Variants in RNF228 observed in about 807,000 individuals in gnomAD.
The protein encoded by RNF228 is ring finger protein 228.
At chr2:222,315,554 C>A in the RNF228 span, among the ~76,000 whole-genome samples, 1 of 152,116 alleles carries the variant, frequency 6.6e-6, no homozygotes, top group Admixed American at 6.5e-5. Context: ...AAAGAATTTT[C>A]ATGAATTTAC....
At chr2:222,316,685 G>T in the RNF228 span, among the ~76,000 whole-genome samples, 10 of 152,314 alleles carry the variant, frequency 6.6e-5, no homozygotes, top group African/African-American at 2.4e-4. Context: ...GTTGTTACCA[G>T]TATGCATATA....
the RNF228 span, chr2:222,317,610 T>A: frequency 1.3e-5 from 2 of 152,216 alleles, no homozygotes; most frequent in African/African-American, 2.4e-5. Context: ...CAACATATAC[T>A]GGCAATTCAT....
At chr2:222,319,683 G>A in the RNF228 span, among the ~76,000 whole-genome samples, 1 of 146,052 alleles carries the variant, frequency 6.8e-6, no homozygotes, top group Non-Finnish European at 1.5e-5. The surrounding 1 kb of genome is among the most constrained non-coding windows in gnomAD (Gnocchi z 7.6). Context: ...GGGCAGCGGC[G>A]TGCGGTGGCG....
chr2:222,315,956 G>A, the RNF228 span, among the ~76,000 whole-genome samples: 2 of 152,128 alleles, frequency 1.3e-5, no homozygotes, highest in African/African-American at 4.8e-5. Flanking sequence ...CAGGTACAGA[G>A]ACCAGACCAG....
the RNF228 span, chr2:222,319,341 AAGG>A: frequency 8.4e-6 from 3 of 355,042 alleles, no homozygotes; most frequent in Non-Finnish European, 1.0e-5. The surrounding 1 kb of genome is among the most constrained non-coding windows in gnomAD (Gnocchi z 7.6). Flanking sequence ...CATGGAGAGG[AAGG>A]AGAAGACCAC....
chr2:222,317,993 A>G, the RNF228 span: 3 of 152,258 alleles, frequency 2.0e-5, no homozygotes, highest in African/African-American at 4.8e-5. Flanking sequence ...TTAATGCACA[A>G]AAATTTCCAG....
chr2:222,319,075 G>A, the RNF228 span: 1 of 173,604 alleles, frequency 5.8e-6, no homozygotes, highest in African/African-American at 2.4e-5. This position sits in a 1 kb window ranked among gnomAD's most constrained non-coding sequence, Gnocchi z 7.6. Context: ...CGTGCCCTCG[G>A]GCCGCCGCCG....
At chr2:222,315,484 G>T in the RNF228 span, among the ~76,000 whole-genome samples, 6 of 152,126 alleles carry the variant, frequency 3.9e-5, no homozygotes, top group African/African-American at 1.2e-4. Context: ...CTCTGGGGAG[G>T]TAATATTAGA....
At chr2:222,315,388 T>C in the RNF228 span, among the ~76,000 whole-genome samples, 1 of 152,208 alleles carries the variant, frequency 6.6e-6, no homozygotes, top group Non-Finnish European at 1.5e-5. Flanking sequence ...GCAAACAGTA[T>C]AACACATATT....
At chr2:222,316,889 G>A in the RNF228 span, among the ~76,000 whole-genome samples, 1 of 152,284 alleles carries the variant, frequency 6.6e-6, no homozygotes, top group Non-Finnish European at 1.5e-5. Flanking sequence ...TTAAAACTAA[G>A]TTCTGAAAAG....
the RNF228 span, among the ~76,000 whole-genome samples, chr2:222,315,314 C>T: frequency 2.0e-5 from 3 of 152,118 alleles, no homozygotes; most frequent in Non-Finnish European, 2.9e-5. Flanking sequence ...AGACAAAGTT[C>T]CTGTTTATGT....
chr2:222,319,295 G>A, the RNF228 span: 9 of 345,996 alleles, frequency 2.6e-5, no homozygotes, highest in Non-Finnish European at 4.7e-5. The surrounding 1 kb of genome is among the most constrained non-coding windows in gnomAD (Gnocchi z 7.6). Flanking sequence ...CGCCGTAGTG[G>A]TTGACGAAGA....
the RNF228 span, among the ~76,000 whole-genome samples, chr2:222,315,498 T>C: frequency 2.0e-5 from 3 of 152,182 alleles, no homozygotes; most frequent in Admixed American, 1.3e-4. Context: ...TATTAGACAC[T>C]TGGAGACCTA....
chr2:222,316,574 G>T, the RNF228 span, among the ~76,000 whole-genome samples: 1 of 152,280 alleles, frequency 6.6e-6, no homozygotes, highest in African/African-American at 2.4e-5. Context: ...GAAACCTGGT[G>T]CCCAAAGTAA....
the RNF228 span, among the ~76,000 whole-genome samples, chr2:222,320,145 G>T: frequency 6.6e-6 from 1 of 152,094 alleles, no homozygotes. Context: ...GGGCGGGGAG[G>T]AGGCGCTTCT....
the RNF228 span, among the ~76,000 whole-genome samples, chr2:222,315,152 T>C: frequency 2.6e-5 from 4 of 152,120 alleles, no homozygotes; most frequent in African/African-American, 9.6e-5. Flanking sequence ...TCCCAGGATC[T>C]CAGGAGTTAT....
the RNF228 span, among the ~76,000 whole-genome samples, chr2:222,314,895 A>G: frequency 6.6e-6 from 1 of 152,224 alleles, no homozygotes; most frequent in Non-Finnish European, 1.5e-5. Context: ...CTAGCCTTGG[A>G]GGCGACAATG....
chr2:222,316,727 C>T, the RNF228 span, among the ~76,000 whole-genome samples: 1 of 152,136 alleles, frequency 6.6e-6, no homozygotes, highest in East Asian at 1.9e-4. Flanking sequence ...AAACATAAAC[C>T]TAATACATAC....
At chr2:222,319,603 C>T in the RNF228 span, among the ~76,000 whole-genome samples, 1 of 145,132 alleles carries the variant, frequency 6.9e-6, no homozygotes, top group Non-Finnish European at 1.5e-5. This position sits in a 1 kb window ranked among gnomAD's most constrained non-coding sequence, Gnocchi z 7.6. Context: ...GGGTCGTGCG[C>T]TGCGCGCAAA....
Sources: allele counts gnomAD v4.1 joint callset (sites outside exome capture counted in the v4.1 genomes callset), GRCh38; gene constraint gnomAD v4.1.1; non-coding constraint Gnocchi (gnomAD v3.1); transcripts MANE v1.5; gene names NCBI Gene and HGNC (gene_info 2026-07-23, HGNC 2026-07-21).